The following UFM1 variants were observed in gnomAD, a reference collection of about 807,000 sequenced individuals.
UFM1 encodes the protein ubiquitin fold modifier 1, also known as ubiquitin-fold modifier 1.
In UFM1, 9 loss-of-function variants were observed where a neutral mutation model predicts 15.4. That is an observed-to-expected ratio of 0.59 (90% CI 0.35 to 1.02). The LOEUF (loss-of-function observed/expected upper bound fraction) is 1.02. Ranked by LOEUF, UFM1 falls within the 50% of genes least tolerant of loss-of-function variation. The probability of loss-of-function intolerance (pLI) is 0.02; values close to 1 mark genes in which losing one functional copy is unlikely to be tolerated. For missense variants in UFM1, 98 were observed against 104.7 expected (o/e 0.94, Z 0.28); for synonymous variants, 27 against 36.3 (o/e 0.74, Z 0.92).
At chr13:38,350,125 C>T in intron 2 of UFM1, 70 bp downstream of exon 2, 2 of 1,613,988 alleles carry the variant, frequency 1.2e-6, no homozygotes. Context: ...ATGATCCGAG[C>T]TTTTCCAACA....
At chr13:38,360,026 A>T in intron 5 of UFM1, 1 of 379,304 alleles carries the variant, frequency 2.6e-6, no homozygotes, top group South Asian at 2.1e-5. Context: ...TAACAAAATT[A>T]TGTTGTTTTC....
At chr13:38,358,454 A>G (rs1879224320) in intron 4 of UFM1, among the ~76,000 whole-genome samples, 1 of 151,692 alleles carries the variant, frequency 6.6e-6, no homozygotes, top group Admixed American at 6.6e-5. Context: ...GCTTTAGAAT[A>G]TAGAAAGTTA....
In UFM1 at chr13:38,349,857, C is replaced by T. The variant is rs371142875; in HGVS notation, c.-63C>T. The T allele has an allele frequency of 2.3e-4, 372 of 1,613,628 alleles. 4 individuals are homozygous for T. In the South Asian group the frequency reaches 2.9e-3, roughly 12 times the overall value. On this transcript the variant is annotated 5_prime_UTR_variant, in exon 1 of 6. Coordinates refer to ENST00000239878, the MANE Select transcript of UFM1 (RefSeq NM_016617.4). Reference sequence around the variant, plus strand: ...GTGGAGCGGGGCGGTCCCCAGCACACTAGAGGAAGTCGTGCTACCCCCGCG... The same window carrying T: ...GTGGAGCGGGGCGGTCCCCAGCACATTAGAGGAAGTCGTGCTACCCCCGCG...
chr13:38,355,300 A>G (rs894459329), intron 3 of UFM1, among the ~76,000 whole-genome samples: 1 of 152,006 alleles, frequency 6.6e-6, no homozygotes, highest in Non-Finnish European at 1.5e-5. Flanking sequence ...TAAACTGCCA[A>G]CTAGTAGCAT....
At chr13:38,353,770 T>G (rs1228290030) in intron 2 of UFM1, among the ~76,000 whole-genome samples, 1 of 152,108 alleles carries the variant, frequency 6.6e-6, no homozygotes, top group Non-Finnish European at 1.5e-5. Context: ...CACAGAAGGT[T>G]CATCAAAAGC....
At chr13:38,357,274 A>G (rs1222609523) in intron 3 of UFM1, among the ~76,000 whole-genome samples, 1 of 151,972 alleles carries the variant, frequency 6.6e-6, no homozygotes, top group Non-Finnish European at 1.5e-5. Flanking sequence ...GCATCTGTTC[A>G]GATCTTGCAA....
chr13:38,358,539 A>G (rs959830974), intron 4 of UFM1, among the ~76,000 whole-genome samples: 2 of 151,888 alleles, frequency 1.3e-5, no homozygotes, highest in African/African-American at 4.8e-5. Flanking sequence ...TGAGAATTTT[A>G]TTCCGTTTTA....
chr13:38,350,463 T>C (rs1404307561), intron 2 of UFM1, among the ~76,000 whole-genome samples: 2 of 152,244 alleles, frequency 1.3e-5, no homozygotes, highest in African/African-American at 4.8e-5. Flanking sequence ...AGGAAGACAT[T>C]CCATCTTGAT....
At chr13:38,353,479 C>A (rs969319456) in intron 2 of UFM1, among the ~76,000 whole-genome samples, 5 of 151,548 alleles carry the variant, frequency 3.3e-5, no homozygotes, top group Non-Finnish European at 5.9e-5. Context: ...AAGTAAATTT[C>A]TGTTTTGATT....
chr13:38,354,912 T>C lies in UFM1; in HGVS notation c.117+616T>C, dbSNP rs1314284919. 2.0e-5 allele frequency: 3 copies of C among 152,126 alleles called. No homozygotes were observed. The East Asian group carries it at 5.8e-4, about 29-fold the overall frequency. 9.4% of individuals were successfully genotyped at this position (152,126 alleles called of 1,614,324 possible). A position where few individuals can be genotyped will look rare whatever the true frequency, so the allele number is the denominator to read the frequency against. On this transcript the variant is annotated intron_variant, in intron 3 of 5. Transcript: ENST00000239878. ...CTTCGGAGACTTAGGGTTCCTGTTG[T>C]AGGTGCGTCATTAGTTAGCTATGTG... is the stretch of plus-strand genomic sequence containing the variant.
intron 2 of UFM1, among the ~76,000 whole-genome samples, chr13:38,351,415 C>A (rs541612953): frequency 5.9e-5 from 9 of 152,196 alleles, no homozygotes; most frequent in Non-Finnish European, 8.8e-5. Context: ...TTCAAACTTT[C>A]CACAGCTGCT....
At chr13:38,359,515 T>C in intron 5 of UFM1, 182 bp downstream of exon 5, 2 of 509,050 alleles carry the variant, frequency 3.9e-6, no homozygotes, top group Non-Finnish European at 6.8e-6. Flanking sequence ...TGTATATTGA[T>C]TGTAGATGTT....
chr13:38,355,508 A>AT (rs1276601987), intron 3 of UFM1, among the ~76,000 whole-genome samples: 4 of 151,928 alleles, frequency 2.6e-5, no homozygotes, highest in Non-Finnish European at 5.9e-5. Flanking sequence ...TATTTGTTAT[A>AT]TTTTTTAGTT....
Position 38,361,946 on chromosome 13 carries a change from T to C in UFM1, c.*1168T>C, listed in dbSNP as rs1005720818. On this transcript the variant is annotated 3_prime_UTR_variant, in exon 6 of 6. Transcript: ENST00000239878. ...CAGTTAGAGAAAACAAAGTATCTACTGGCCTTGTCAACATACAGACTTCAA... is the reference window on the plus strand; with the variant it reads ...CAGTTAGAGAAAACAAAGTATCTACCGGCCTTGTCAACATACAGACTTCAA... 6.6e-6 allele frequency: 1 copy of C among 152,238 alleles called. No homozygotes were observed. The highest frequency in any genetic ancestry group is 1.5e-5 in the Non-Finnish European group (1 of 68,050). The allele number at this position is 152,238 out of a possible 1,614,324, so 9.4% of individuals were successfully genotyped here. A position where few individuals can be genotyped will look rare whatever the true frequency, so the allele number is the denominator to read the frequency against.
chr13:38,357,020 C>A (rs1879131697), intron 3 of UFM1, among the ~76,000 whole-genome samples: 1 of 151,910 alleles, frequency 6.6e-6, no homozygotes, highest in Non-Finnish European at 1.5e-5. Flanking sequence ...ATTTAAAAAA[C>A]ACATCTTTTT....
chr13:38,354,088 TAAAG>T, intron 2 of UFM1, 147 bp from the exon 3 acceptor site: 1 of 587,864 alleles, frequency 1.7e-6, no homozygotes, highest in Non-Finnish European at 3.0e-6. Context: ...TATTTTGAGT[TAAAG>T]AATGTAGTAT....
chr13:38,360,152 T>A, intron 5 of UFM1: 1 of 287,622 alleles, frequency 3.5e-6, no homozygotes, highest in Admixed American at 4.5e-5. Context: ...TTATTGAAAA[T>A]CGTGAGGCAC....
intron 2 of UFM1, among the ~76,000 whole-genome samples, chr13:38,353,986 T>C (rs976767388): frequency 3.9e-5 from 6 of 152,050 alleles, no homozygotes; most frequent in Non-Finnish European, 8.8e-5. Flanking sequence ...AATATATAAA[T>C]CTACACCTTA....
intron 5 of UFM1, 165 bp downstream of exon 5, chr13:38,359,498 T>A: frequency 1.6e-6 from 1 of 628,786 alleles, no homozygotes; most frequent in South Asian, 2.4e-5. Context: ...AATAAGTTGT[T>A]TCATTGTGTA....
Sources: allele counts gnomAD v4.1 joint callset (sites outside exome capture counted in the v4.1 genomes callset), GRCh38; gene constraint gnomAD v4.1.1; transcripts MANE v1.5; gene names NCBI Gene and HGNC (gene_info 2026-07-23, HGNC 2026-07-21).